Variants in PGCKA1 observed in about 807,000 individuals in gnomAD.
PGCKA1 encodes the protein PDCD10 and GCKIII kinases associated 1.
the PGCKA1 span, among the ~76,000 whole-genome samples, chr4:37,574,218 T>A: frequency 6.6e-6 from 1 of 152,118 alleles, no homozygotes; most frequent in Non-Finnish European, 1.5e-5. Flanking sequence ...TCATTTCTAG[T>A]TAGATAAGCA....
the PGCKA1 span, among the ~76,000 whole-genome samples, chr4:37,569,956 A>T: frequency 1.3e-5 from 2 of 150,672 alleles, no homozygotes; most frequent in Non-Finnish European, 2.9e-5. Flanking sequence ...GATGGTGCTG[A>T]TAACAAAAGT....
chr4:37,583,714 C>G, the PGCKA1 span, among the ~76,000 whole-genome samples: 1 of 152,156 alleles, frequency 6.6e-6, no homozygotes, highest in African/African-American at 2.4e-5. Context: ...AGAGTCAGCC[C>G]CCAACACAGG....
chr4:37,551,200 C>T, the PGCKA1 span, among the ~76,000 whole-genome samples: 1 of 152,152 alleles, frequency 6.6e-6, no homozygotes, highest in Non-Finnish European at 1.5e-5. Context: ...GGACAGGTAG[C>T]TGTGTAATTG....
chr4:37,491,042 T>A, the PGCKA1 span, among the ~76,000 whole-genome samples: 1 of 152,322 alleles, frequency 6.6e-6, no homozygotes, highest in South Asian at 2.1e-4. Context: ...TTAAATTTTA[T>A]CAAAGTTATA....
the PGCKA1 span, among the ~76,000 whole-genome samples, chr4:37,507,064 C>T: frequency 6.6e-6 from 1 of 151,936 alleles, no homozygotes; most frequent in East Asian, 1.9e-4. Flanking sequence ...TCATTTTTGT[C>T]TTGAGATCTA....
chr4:37,536,689 G>A, the PGCKA1 span, among the ~76,000 whole-genome samples: 41 of 152,326 alleles, frequency 2.7e-4, no homozygotes, highest in African/African-American at 8.9e-4. Flanking sequence ...TTTGGACTTT[G>A]CCAGTTATGG....
the PGCKA1 span, among the ~76,000 whole-genome samples, chr4:37,501,868 T>C: frequency 6.6e-6 from 1 of 152,280 alleles, no homozygotes; most frequent in South Asian, 2.1e-4. Context: ...AGTGGTTCTT[T>C]CTCATCTTTG....
chr4:37,526,495 A>T, the PGCKA1 span, among the ~76,000 whole-genome samples: 2 of 152,306 alleles, frequency 1.3e-5, no homozygotes, highest in African/African-American at 4.8e-5. Flanking sequence ...ATCAATTCAC[A>T]GCTTTGTTCT....
the PGCKA1 span, among the ~76,000 whole-genome samples, chr4:37,541,541 G>A: frequency 4.6e-5 from 7 of 152,162 alleles, no homozygotes; most frequent in African/African-American, 1.7e-4. Flanking sequence ...CCCTCTACCA[G>A]CCTACTCATC....
the PGCKA1 span, chr4:37,590,607 A>G: frequency 6.2e-7 from 1 of 1,614,000 alleles, no homozygotes; most frequent in Non-Finnish European, 8.5e-7. Flanking sequence ...TCCAGATACC[A>G]GCCCCAGATT....
At chr4:37,543,399 A>G in the PGCKA1 span, among the ~76,000 whole-genome samples, 1 of 152,132 alleles carries the variant, frequency 6.6e-6, no homozygotes, top group South Asian at 2.1e-4. Flanking sequence ...TTTTCTGTAC[A>G]GTGTTTTTCT....
At chr4:37,496,366 T>TC in the PGCKA1 span, among the ~76,000 whole-genome samples, 10 of 152,226 alleles carry the variant, frequency 6.6e-5, no homozygotes, top group Non-Finnish European at 1.3e-4. Context: ...GGGAATCCTT[T>TC]CCCCATTGCA....
At chr4:37,565,172 A>G in the PGCKA1 span, among the ~76,000 whole-genome samples, 4,644 of 152,228 alleles carry the variant, frequency 0.031, 209 homozygotes, top group East Asian at 0.14. Flanking sequence ...ACCACAAGCT[A>G]CTGGCAGAAC....
At chr4:37,456,132 G>A in the PGCKA1 span, among the ~76,000 whole-genome samples, 4 of 152,208 alleles carry the variant, frequency 2.6e-5, no homozygotes, top group Admixed American at 6.5e-5. Context: ...TTGTAGGTGT[G>A]TAGAAAAGAG....
At chr4:37,497,770 T>G in the PGCKA1 span, among the ~76,000 whole-genome samples, 1 of 152,210 alleles carries the variant, frequency 6.6e-6, no homozygotes, top group Non-Finnish European at 1.5e-5. Flanking sequence ...CACTGTAGAT[T>G]CTGGATGTTA....
At chr4:37,543,987 T>G in the PGCKA1 span, among the ~76,000 whole-genome samples, 1 of 152,228 alleles carries the variant, frequency 6.6e-6, no homozygotes, top group Non-Finnish European at 1.5e-5. Flanking sequence ...ATGCCCTATT[T>G]TATCTATCCC....
chr4:37,576,901 C>G, the PGCKA1 span, among the ~76,000 whole-genome samples: 1 of 152,114 alleles, frequency 6.6e-6, no homozygotes, highest in African/African-American at 2.4e-5. Context: ...GTTGAACCAT[C>G]CTTCCATCCC....
chr4:37,590,564 A>G, the PGCKA1 span: 39 of 1,614,202 alleles, frequency 2.4e-5, no homozygotes, highest in Non-Finnish European at 3.3e-5. Flanking sequence ...TCTGAGGCAG[A>G]AAGTTTTGCC....
chr4:37,484,824 C>T, the PGCKA1 span, among the ~76,000 whole-genome samples: 1 of 152,190 alleles, frequency 6.6e-6, no homozygotes, highest in Non-Finnish European at 1.5e-5. Context: ...GACATCAGAT[C>T]TGCTGATACT....
Sources: gnomAD v4.1 joint callset for allele counts (sites outside exome capture counted in the v4.1 genomes callset) on GRCh38, gnomAD v4.1.1 for gene constraint, MANE v1.5 for transcripts, NCBI Gene and HGNC (gene_info 2026-07-23, HGNC 2026-07-21) for gene names.